DNAH11: variants seen among roughly 807,000 people sequenced by gnomAD.
The protein encoded by DNAH11 is axonemal beta dynein heavy chain 11.
Under a neutral mutation model 526.0 loss-of-function variants are expected in DNAH11, and 442 were observed. The observed-to-expected ratio is 0.84, with a 90% CI of 0.78 to 0.91. DNAH11 has a LOEUF of 0.91. Ranked by LOEUF, DNAH11 falls within the 40% of genes least tolerant of loss-of-function variation. DNAH11 has a pLI of 0.00. For synonymous variants in DNAH11, 2,461 were observed against 1,935.9 expected (o/e 1.27, Z -7.12); for missense variants, 6,989 against 5,448.7 (o/e 1.28, Z -8.90).
chr7:21,843,923 G>A (rs1036171560), intron 66 of DNAH11, among the ~76,000 whole-genome samples: 2 of 152,170 alleles, frequency 1.3e-5, no homozygotes, highest in Non-Finnish European at 2.9e-5. Context: ...TTAAAACAAG[G>A]ATTTATATTT....
intron 38 of DNAH11, 71 bp from the exon 39 acceptor site, chr7:21,705,389 C>A: frequency 2.0e-6 from 3 of 1,534,034 alleles, no homozygotes; most frequent in Non-Finnish European, 2.7e-6. Context: ...AAGAATTGGG[C>A]AAAAATGGTA....
rs4487645 is a variant in DNAH11, at chr7:21,898,622, C to T, written c.13050-714C>T. On this transcript the variant is annotated intron_variant, in intron 79 of 81. Coordinates refer to ENST00000409508, the MANE Select transcript of DNAH11 (RefSeq NM_001277115.2). ...AAACTTACAATTCAAGGTTTCACTT[C>T]TCTCTTAATTTTATCGAAGAGGTTC... 1.8e-3 allele frequency among the ~76,000 whole-genome samples: 267 copies of T among 152,138 alleles called. 10 individuals are homozygous for T. The East Asian group carries it at 0.048, about 28-fold the overall frequency.
chr7:21,700,942 C>T (rs1246072527), intron 36 of DNAH11, among the ~76,000 whole-genome samples: 2 of 152,118 alleles, frequency 1.3e-5, no homozygotes, highest in Non-Finnish European at 2.9e-5. Flanking sequence ...GGGAACATCA[C>T]ACACTGGAGC....
At chr7:21,705,631 C>CGGCCGGGCGCGGTGGCTCA in intron 39 of DNAH11, 94 bp downstream of exon 39, 1 of 1,211,432 alleles carries the variant, frequency 8.3e-7, no homozygotes, top group South Asian at 1.4e-5. Flanking sequence ...AAAGAATTCC[C>CGGCCGGGCGCGGTGGCTCA]CTCCATGAAG....
chr7:21,609,982 C>G (rs1785450610), intron 20 of DNAH11, among the ~76,000 whole-genome samples: 1 of 152,134 alleles, frequency 6.6e-6, no homozygotes, highest in Non-Finnish European at 1.5e-5. Context: ...GGGCCGGGCG[C>G]GGTGGCTCAC....
chr7:21,567,677 A>T (rs1783724520), intron 6 of DNAH11, among the ~76,000 whole-genome samples: 1 of 152,100 alleles, frequency 6.6e-6, no homozygotes, highest in Non-Finnish European at 1.5e-5. Flanking sequence ...GATCTACTTT[A>T]CTCAGTTTCA....
At chr7:21,583,828 A>C (rs1784396234) in intron 9 of DNAH11, among the ~76,000 whole-genome samples, 2 of 152,322 alleles carry the variant, frequency 1.3e-5, no homozygotes, top group East Asian at 1.9e-4. Context: ...CATGAAAAAA[A>C]GCTCATCATC....
chr7:21,617,332 G>T (rs1029273171), intron 22 of DNAH11, among the ~76,000 whole-genome samples: 1 of 152,114 alleles, frequency 6.6e-6, no homozygotes, highest in Admixed American at 6.5e-5. Context: ...TTCATTGCAC[G>T]TGTCCTGTGA....
chr7:21,846,888 TA>T (rs1782442112), intron 66 of DNAH11, among the ~76,000 whole-genome samples: 1 of 152,182 alleles, frequency 6.6e-6, no homozygotes, highest in Admixed American at 6.5e-5. Flanking sequence ...TTAATGCATA[TA>T]GGCCTTTTCA....
chr7:21,664,502 G>T (rs1309149386), intron 30 of DNAH11, among the ~76,000 whole-genome samples: 2 of 151,480 alleles, frequency 1.3e-5, no homozygotes, highest in Non-Finnish European at 1.5e-5. Context: ...TCTTTTTCCT[G>T]GGCTGGAGTT....
At chr7:21,648,705 T>A (rs1787484768) in intron 28 of DNAH11, among the ~76,000 whole-genome samples, 2 of 152,252 alleles carry the variant, frequency 1.3e-5, no homozygotes, top group South Asian at 4.1e-4. Context: ...TTAATTAATA[T>A]ATGTTATGTA....
intron 31 of DNAH11, among the ~76,000 whole-genome samples, chr7:21,683,010 A>G (rs1783206907): frequency 6.6e-6 from 1 of 152,130 alleles, no homozygotes; most frequent in Non-Finnish European, 1.5e-5. Context: ...ATCTTCTTAT[A>G]TATTTTATTC....
intron 49 of DNAH11, 137 bp downstream of exon 49, chr7:21,742,303 ATGGTTCTG>A: frequency 9.3e-7 from 1 of 1,076,804 alleles, no homozygotes; most frequent in East Asian, 2.6e-5. Flanking sequence ...TAATTGGCTT[ATGGTTCTG>A]CAGGCTGTGC....
At chr7:21,564,774 A>G (rs1337758530) in intron 6 of DNAH11, among the ~76,000 whole-genome samples, 1 of 152,190 alleles carries the variant, frequency 6.6e-6, no homozygotes, top group Non-Finnish European at 1.5e-5. Flanking sequence ...AGTTAAGAGC[A>G]TCTGGCAAAA....
intron 25 of DNAH11, among the ~76,000 whole-genome samples, chr7:21,635,301 C>T (rs899738722): frequency 4.6e-5 from 7 of 152,120 alleles, no homozygotes; most frequent in East Asian, 1.9e-4. Context: ...GGACTACAGG[C>T]GCCCGTCACC....
chr7:21,548,829 T>C (rs954370172), intron 2 of DNAH11, among the ~76,000 whole-genome samples: 4 of 151,894 alleles, frequency 2.6e-5, no homozygotes, highest in African/African-American at 7.3e-5. Flanking sequence ...CTATGGAGAA[T>C]GAGGGAATTG....
intron 9 of DNAH11, among the ~76,000 whole-genome samples, chr7:21,582,341 A>G (rs989875956): frequency 2.0e-5 from 3 of 152,170 alleles, no homozygotes; most frequent in Non-Finnish European, 4.4e-5. Flanking sequence ...AGTGAAAAAT[A>G]CCTTAATTCA....
intron 9 of DNAH11, among the ~76,000 whole-genome samples, 200 bp downstream of exon 9, chr7:21,582,221 A>G (rs2128440988): frequency 6.6e-6 from 1 of 152,300 alleles, no homozygotes; most frequent in Middle Eastern, 3.4e-3. Flanking sequence ...ATTTTAGGAC[A>G]TTTAGTTACT....
intron 28 of DNAH11, among the ~76,000 whole-genome samples, chr7:21,645,478 T>C (rs567561749): frequency 2.0e-5 from 3 of 152,272 alleles, no homozygotes; most frequent in Admixed American, 6.5e-5. Context: ...TGATAATTCA[T>C]AGATGTGGCC....
Sources: gnomAD v4.1 joint callset for allele counts (sites outside exome capture counted in the v4.1 genomes callset) on GRCh38, gnomAD v4.1.1 for gene constraint, MANE v1.5 for transcripts, NCBI Gene and HGNC (gene_info 2026-07-23, HGNC 2026-07-21) for gene names.